The following GPHN variants were observed in gnomAD, a reference collection of about 807,000 sequenced individuals.
GPHN encodes the protein gephyrin.
Under a neutral mutation model 95.5 loss-of-function variants are expected in GPHN, and 17 were observed. The ratio of observed to expected loss-of-function variants is 0.18; its 90% CI spans 0.12 to 0.27. The LOEUF is 0.27. Among genes scored for constraint, GPHN ranks in the 10% least tolerant of loss-of-function variants. GPHN has a pLI of 1.00. For missense variants in GPHN, 660 were observed against 978.1 expected (o/e 0.67, Z 4.34); for synonymous variants, 320 against 322.5 (o/e 0.99, Z 0.08).
At chr14:67,367,732 C>T in the GPHN span, among the ~76,000 whole-genome samples, 6 of 151,574 alleles carry the variant, frequency 4.0e-5, no homozygotes, top group Non-Finnish European at 5.9e-5. Context: ...GCTTCTCGGG[C>T]GGCTGAGGTA....
the GPHN span, among the ~76,000 whole-genome samples, chr14:67,410,469 C>T: frequency 6.6e-6 from 1 of 151,890 alleles, no homozygotes; most frequent in Admixed American, 6.6e-5. Flanking sequence ...GCCACCTCCA[C>T]ATGCTGCGAG....
intron 9 of GPHN, among the ~76,000 whole-genome samples, chr14:66,998,636 A>G (rs2071979240): frequency 6.6e-6 from 1 of 152,016 alleles, no homozygotes; most frequent in South Asian, 2.1e-4. Flanking sequence ...TCTTTCCCTT[A>G]CATTTACATC....
intron 9 of GPHN, among the ~76,000 whole-genome samples, chr14:66,985,141 T>C (rs929628460): frequency 1.3e-5 from 2 of 152,104 alleles, no homozygotes; most frequent in Non-Finnish European, 2.9e-5. Flanking sequence ...GGCAGCACAA[T>C]TGTTTAATTG....
the GPHN span, among the ~76,000 whole-genome samples, chr14:67,221,426 G>T: frequency 6.6e-6 from 1 of 152,194 alleles, no homozygotes; most frequent in Non-Finnish European, 1.5e-5. Flanking sequence ...CTCAGCAGCA[G>T]CAGTTAACTT....
the GPHN span, among the ~76,000 whole-genome samples, chr14:67,255,133 G>A: frequency 6.6e-6 from 1 of 152,134 alleles, no homozygotes; most frequent in East Asian, 1.9e-4. Context: ...TGGCAACAGA[G>A]CGAGACTCCA....
At chr14:66,998,180 C>T (rs1026078512) in intron 9 of GPHN, among the ~76,000 whole-genome samples, 1 of 152,136 alleles carries the variant, frequency 6.6e-6, no homozygotes, top group South Asian at 2.1e-4. Context: ...CACCATGGCA[C>T]TCAGCTCTTA....
chr14:67,004,169 A>C (rs1473933691), intron 9 of GPHN, among the ~76,000 whole-genome samples: 1 of 151,772 alleles, frequency 6.6e-6, no homozygotes, highest in Non-Finnish European at 1.5e-5. Context: ...TCCTGTGTGC[A>C]TTTTACTTTT....
At chr14:67,378,317 T>TC in the GPHN span, among the ~76,000 whole-genome samples, 65 of 143,374 alleles carry the variant, frequency 4.5e-4, no homozygotes, top group Admixed American at 1.2e-3. Flanking sequence ...CATGTGACTT[T>TC]TTTTTTTTTT....
intron 2 of GPHN, among the ~76,000 whole-genome samples, chr14:66,725,213 A>G (rs971433786): frequency 4.6e-5 from 7 of 152,170 alleles, no homozygotes; most frequent in African/African-American, 1.4e-4. Context: ...GACTTTTGTT[A>G]TGTAATCCAC....
chr14:66,831,060 C>A (rs970431234), intron 4 of GPHN, among the ~76,000 whole-genome samples: 1 of 151,780 alleles, frequency 6.6e-6, no homozygotes, highest in Non-Finnish European at 1.5e-5. Context: ...AAAAATTGAC[C>A]TAAGTTACTA....
At chr14:67,624,542 G>A in the GPHN span, among the ~76,000 whole-genome samples, 111 of 152,302 alleles carry the variant, frequency 7.3e-4, no homozygotes, top group African/African-American at 2.6e-3. Flanking sequence ...GGAGCAGGAG[G>A]AAGACAGCGA....
intron 11 of GPHN, among the ~76,000 whole-genome samples, chr14:67,066,546 C>G (rs897996477): frequency 2.6e-5 from 4 of 152,184 alleles, no homozygotes; most frequent in Non-Finnish European, 5.9e-5. Flanking sequence ...TCCATTCTCC[C>G]TATCACTTTG....
the GPHN span, chr14:67,725,102 C>A: frequency 6.2e-7 from 1 of 1,614,156 alleles, no homozygotes. Context: ...GACCCAGGAG[C>A]CCGAGTCTAT....
chr14:67,480,145 A>C, the GPHN span, among the ~76,000 whole-genome samples: 1 of 152,160 alleles, frequency 6.6e-6, no homozygotes, highest in Non-Finnish European at 1.5e-5. Context: ...GGCAGCTGTC[A>C]TTTCTGGCAC....
intron 1 of GPHN, among the ~76,000 whole-genome samples, chr14:66,515,061 A>G (rs954247680): frequency 6.6e-6 from 1 of 152,158 alleles, no homozygotes; most frequent in Non-Finnish European, 1.5e-5. Flanking sequence ...GGTAACGCAT[A>G]TGAAAATGCC....
chr14:66,618,093 A>G (rs988650627), intron 1 of GPHN, among the ~76,000 whole-genome samples: 5 of 152,018 alleles, frequency 3.3e-5, no homozygotes, highest in African/African-American at 1.2e-4. Context: ...TTTCAATCTT[A>G]CATTTTTTTC....
chr14:67,546,066 G>C, the GPHN span, among the ~76,000 whole-genome samples: 15 of 152,240 alleles, frequency 9.9e-5, no homozygotes, highest in Non-Finnish European at 1.9e-4. Flanking sequence ...AAAAGAGCCA[G>C]GTGGATTCTG....
intron 1 of GPHN, among the ~76,000 whole-genome samples, chr14:66,619,514 TC>T (rs2063198134): frequency 1.3e-5 from 2 of 151,750 alleles, no homozygotes; most frequent in Middle Eastern, 3.4e-3. Flanking sequence ...CATATGTATA[TC>T]TTTTTTTTGG....
intron 9 of GPHN, among the ~76,000 whole-genome samples, chr14:67,019,114 C>T (rs548613332): frequency 1.3e-4 from 20 of 152,220 alleles, no homozygotes; most frequent in Admixed American, 8.5e-4. Flanking sequence ...TGAAATAAGC[C>T]TATTATTGAC....
Sources: gnomAD v4.1 joint callset for allele counts (sites outside exome capture counted in the v4.1 genomes callset) on GRCh38, gnomAD v4.1.1 for gene constraint, MANE v1.5 for transcripts, NCBI Gene and HGNC (gene_info 2026-07-23, HGNC 2026-07-21) for gene names.